KCND2: variants seen among roughly 807,000 people sequenced by gnomAD.
The protein encoded by KCND2 is potassium voltage-gated channel subfamily D member 2, also known as A-type voltage-gated potassium channel KCND2.
Under a neutral mutation model 54.4 loss-of-function variants are expected in KCND2, and 16 were observed. The observed-to-expected ratio is 0.29, with a 90% CI of 0.20 to 0.45. The LOEUF (loss-of-function observed/expected upper bound fraction) is 0.45. Ranked by LOEUF, KCND2 falls within the 20% of genes least tolerant of loss-of-function variation. The pLI is 1.00. For missense variants in KCND2, 486 were observed against 824.2 expected (o/e 0.59, Z 5.02); for synonymous variants, 317 against 310.7 (o/e 1.02, Z -0.21).
chr7:120,402,929 C>G (rs951376919), intron 1 of KCND2, among the ~76,000 whole-genome samples: 6 of 152,050 alleles, frequency 3.9e-5, no homozygotes, highest in Non-Finnish European at 8.8e-5. Context: ...ATCCTTTAAG[C>G]CAAGAATGTA....
At chr7:120,547,794 T>C (rs1415273540) in intron 1 of KCND2, among the ~76,000 whole-genome samples, 1 of 152,042 alleles carries the variant, frequency 6.6e-6, no homozygotes, top group Non-Finnish European at 1.5e-5. Context: ...CATCACGTGA[T>C]TGATGTGCAT....
chr7:120,674,958 G>A (rs1479698125), intron 1 of KCND2, among the ~76,000 whole-genome samples: 1 of 151,698 alleles, frequency 6.6e-6, no homozygotes, highest in African/African-American at 2.4e-5. Flanking sequence ...TTGATTTTCA[G>A]TAGTTTTATA....
At chr7:120,734,999 G>T (rs1792853265) in intron 2 of KCND2, among the ~76,000 whole-genome samples, 1 of 152,040 alleles carries the variant, frequency 6.6e-6, no homozygotes, top group Non-Finnish European at 1.5e-5. Context: ...TTTGTCCAGA[G>T]AACTAATTTA....
chr7:120,426,853 C>T (rs954368839), intron 1 of KCND2, among the ~76,000 whole-genome samples: 20 of 152,196 alleles, frequency 1.3e-4, no homozygotes, highest in Admixed American at 2.6e-4. Flanking sequence ...ATCTCCTGAC[C>T]TCGTGATCCG....
intron 1 of KCND2, among the ~76,000 whole-genome samples, chr7:120,501,365 A>G (rs1213750566): frequency 6.6e-6 from 1 of 152,158 alleles, no homozygotes; most frequent in African/African-American, 2.4e-5. Flanking sequence ...GATTTTGTAC[A>G]TCGTAGAAGA....
Position 120,712,241 on chromosome 7 carries a change from A to ATTTTTTTTTTT in KCND2, c.1116-20632_1116-20622dup, listed in dbSNP as rs869059871. On this transcript the variant is annotated intron_variant, in intron 1 of 5. Coordinates refer to ENST00000331113, the MANE Select transcript of KCND2 (RefSeq NM_012281.3). ...TTTTCTTTGAATTTTGGATATCTGA[A>ATTTTTTTTTTT]TTTTTTTTTTTTTTTTTTTTTTTTT... Among the ~76,000 whole-genome samples the ATTTTTTTTTTT allele has an allele frequency of 6.0e-4, 21 of 34,784 alleles. 6 individuals are homozygous for ATTTTTTTTTTT. Among genetic ancestry groups the ATTTTTTTTTTT allele is most frequent in the Non-Finnish European group, 9.0e-4 (17 of 18,962 alleles). 22.8% of individuals were successfully genotyped at this position (34,784 alleles called of 152,430 possible).
intron 1 of KCND2, among the ~76,000 whole-genome samples, chr7:120,674,421 G>A (rs78587392): frequency 0.034 from 5,206 of 152,168 alleles, 212 homozygotes; most frequent in African/African-American, 0.1. Context: ...TTGAAAAACC[G>A]TGTCTTTGTA....
At chr7:120,439,618 C>T (rs1182740425) in intron 1 of KCND2, among the ~76,000 whole-genome samples, 1 of 151,990 alleles carries the variant, frequency 6.6e-6, no homozygotes, top group Non-Finnish European at 1.5e-5. Flanking sequence ...TTACATCTAG[C>T]TGTAATTTTG....
chr7:120,726,023 G>A (rs1792729604), intron 1 of KCND2, among the ~76,000 whole-genome samples: 1 of 152,116 alleles, frequency 6.6e-6, no homozygotes, highest in Non-Finnish European at 1.5e-5. Context: ...GTGAATAGTG[G>A]AAACAGTTTT....
chr7:120,506,333 G>T (rs1803018545), intron 1 of KCND2, among the ~76,000 whole-genome samples: 1 of 151,740 alleles, frequency 6.6e-6, no homozygotes, highest in African/African-American at 2.4e-5. Context: ...AATTAGATTA[G>T]AGCACCATAC....
chr7:120,466,597 C>T (rs1039490964), intron 1 of KCND2, among the ~76,000 whole-genome samples: 1 of 152,088 alleles, frequency 6.6e-6, no homozygotes, highest in African/African-American at 2.4e-5. Flanking sequence ...TAACAAATTG[C>T]CCCTCTCTAC....
At chr7:120,582,237 G>A (rs1162475754) in intron 1 of KCND2, among the ~76,000 whole-genome samples, 1 of 151,914 alleles carries the variant, frequency 6.6e-6, no homozygotes. Context: ...AAGATCCCAA[G>A]ACCTCTCCAT....
At chr7:120,692,297 AT>A (rs1283984843) in intron 1 of KCND2, among the ~76,000 whole-genome samples, 6 of 152,350 alleles carry the variant, frequency 3.9e-5, no homozygotes, top group African/African-American at 1.4e-4. Flanking sequence ...TGGCTGAATA[AT>A]CTGTACCAAG....
intron 1 of KCND2, among the ~76,000 whole-genome samples, chr7:120,379,950 GAT>G (rs1419838890): frequency 3.3e-5 from 5 of 152,030 alleles, no homozygotes; most frequent in African/African-American, 1.2e-4. Flanking sequence ...ATACTCCTAT[GAT>G]ATGACACTAG....
intron 1 of KCND2, among the ~76,000 whole-genome samples, chr7:120,403,314 GTT>G (rs72376752): frequency 0.11 from 15,188 of 143,470 alleles, 797 homozygotes; most frequent in Admixed American, 0.14. Flanking sequence ...TATTATTCAT[GTT>G]TTTTTTTTTT....
At position 120,443,043 on chromosome 7, in the gene KCND2, G is replaced by T. The variant is rs532026673; in HGVS notation, c.1115+167296G>T. On this transcript the variant is annotated intron_variant, in intron 1 of 5. Transcript: ENST00000331113. Reference sequence around the variant, plus strand: ...GTCTTACTCATTCCATCACTTTCAAGTGTTTCTGGGCTGGTGCCTTCTAGT... The same window carrying T: ...GTCTTACTCATTCCATCACTTTCAATTGTTTCTGGGCTGGTGCCTTCTAGT... 1.7e-3 allele frequency among the ~76,000 whole-genome samples: 264 copies of T among 152,112 alleles called. 3 individuals are homozygous for T. The highest frequency in any genetic ancestry group is 2.7e-3 in the Admixed American group (41 of 15,266).
intron 1 of KCND2, among the ~76,000 whole-genome samples, chr7:120,597,978 A>T (rs1226749865): frequency 3.3e-5 from 5 of 151,892 alleles, no homozygotes; most frequent in African/African-American, 1.2e-4. Context: ...GGAGTGGGAG[A>T]TTTGTTTGCA....
intron 1 of KCND2, among the ~76,000 whole-genome samples, chr7:120,294,895 G>A (rs1324261477): frequency 6.6e-6 from 1 of 151,360 alleles, no homozygotes; most frequent in Non-Finnish European, 1.5e-5. Flanking sequence ...AGTAAAATAT[G>A]TTTGCAATGT....
At chr7:120,626,653 G>T (rs1167207451) in intron 1 of KCND2, among the ~76,000 whole-genome samples, 2 of 152,116 alleles carry the variant, frequency 1.3e-5, no homozygotes, top group African/African-American at 4.8e-5. Context: ...CAAAATAAAT[G>T]TTACAGTAGT....
Sources: allele counts gnomAD v4.1 joint callset (sites outside exome capture counted in the v4.1 genomes callset), GRCh38; gene constraint gnomAD v4.1.1; transcripts MANE v1.5; gene names NCBI Gene and HGNC (gene_info 2026-07-23, HGNC 2026-07-21).